Variants in PLCH1 observed in about 807,000 individuals in gnomAD.
PLCH1 encodes the protein 1-phosphatidylinositol 4,5-bisphosphate phosphodiesterase eta-1.
Under a neutral mutation model 126.7 loss-of-function variants are expected in PLCH1, and 60 were observed. The observed-to-expected ratio is 0.47, with a 90% CI of 0.38 to 0.59. The LOEUF (loss-of-function observed/expected upper bound fraction) is 0.59, where lower values mean the gene tolerates loss of function less well. PLCH1 is among the 20% of genes least tolerant of loss of function. The pLI is 0.00. For missense variants in PLCH1, 1,723 were observed against 2,040.0 expected (o/e 0.84, Z 2.99); for synonymous variants, 719 against 734.9 (o/e 0.98, Z 0.35).
intron 2 of PLCH1, among the ~76,000 whole-genome samples, chr3:155,653,182 GATATAGAT>G (rs1740941640): frequency 1.6e-5 from 2 of 123,388 alleles, no homozygotes; most frequent in Non-Finnish European, 1.7e-5. Context: ...TATAGATATA[GATATAGAT>G]ATATAGATAT....
At chr3:155,452,318 A>G (rs896549888) in intron 21 of PLCH1, among the ~76,000 whole-genome samples, 2 of 152,142 alleles carry the variant, frequency 1.3e-5, no homozygotes, top group Admixed American at 6.5e-5. Context: ...CCATGCTTCA[A>G]ATTATCTCCC....
intron 12 of PLCH1, among the ~76,000 whole-genome samples, chr3:155,505,986 G>A (rs1718614710): frequency 6.6e-6 from 1 of 151,494 alleles, no homozygotes; most frequent in South Asian, 2.1e-4. Flanking sequence ...ATCCAAAACA[G>A]GACCTTTTAA....
At chr3:155,525,682 G>C (rs1229760540) in intron 10 of PLCH1, among the ~76,000 whole-genome samples, 2 of 152,080 alleles carry the variant, frequency 1.3e-5, no homozygotes, top group African/African-American at 2.4e-5. Flanking sequence ...TGCCCAGCTT[G>C]AGCACCTCCC....
intron 1 of PLCH1, among the ~76,000 whole-genome samples, chr3:155,739,465 C>G (rs748935444): frequency 3.7e-4 from 57 of 152,042 alleles, no homozygotes; most frequent in Non-Finnish European, 7.2e-4. Context: ...AAAAACATAG[C>G]CCACATCGTT....
intron 14 of PLCH1, among the ~76,000 whole-genome samples, chr3:155,498,590 A>T (rs1041474513): frequency 1.6e-4 from 25 of 152,362 alleles, no homozygotes; most frequent in Middle Eastern, 6.8e-3. Flanking sequence ...AAAATGGAAC[A>T]GAAACACTGC....
chr3:155,541,706 G>C (rs1008361438), intron 10 of PLCH1, among the ~76,000 whole-genome samples: 2 of 152,006 alleles, frequency 1.3e-5, no homozygotes. Context: ...GTTTTAAATA[G>C]AGCAAGAATT....
At chr3:155,738,720 G>A (rs914232900) in intron 1 of PLCH1, among the ~76,000 whole-genome samples, 1 of 151,408 alleles carries the variant, frequency 6.6e-6, no homozygotes, top group African/African-American at 2.4e-5. Flanking sequence ...CCGGGAGGCG[G>A]AGGTTGCAGT....
intron 10 of PLCH1, among the ~76,000 whole-genome samples, chr3:155,539,956 T>G (rs536175179): frequency 2.1e-4 from 32 of 152,016 alleles, no homozygotes; most frequent in African/African-American, 7.2e-4. Flanking sequence ...AAAGAACAAA[T>G]TTGGACGCAT....
intron 1 of PLCH1, among the ~76,000 whole-genome samples, chr3:155,744,007 G>GTT (rs370626394): frequency 1.5e-4 from 22 of 147,988 alleles, no homozygotes; most frequent in Middle Eastern, 6.9e-3. Flanking sequence ...GAAAAGTTGG[G>GTT]TTTTTTTTTT....
At chr3:155,513,814 A>G (rs1241456898) in intron 12 of PLCH1, among the ~76,000 whole-genome samples, 1 of 152,178 alleles carries the variant, frequency 6.6e-6, no homozygotes, top group Non-Finnish European at 1.5e-5. Context: ...TTAGCAAGCC[A>G]ATATTATCCT....
intron 9 of PLCH1, 60 bp from the exon 10 acceptor site, chr3:155,550,018 G>A: frequency 7.9e-7 from 1 of 1,266,346 alleles, no homozygotes; most frequent in Non-Finnish European, 1.1e-6. Flanking sequence ...AGGGACTTTT[G>A]AAAATGATTC....
At position 155,497,382 on chromosome 3, in the gene PLCH1, C is replaced by G; in HGVS notation, c.1832G>C (p.Arg611Pro). The G allele has an allele frequency of 6.2e-7, 1 of 1,613,900 alleles. No individual in the cohort carries two copies. The highest frequency in any genetic ancestry group is 8.5e-7 in the Non-Finnish European group (1 of 1,179,826). The change falls in exon 15 of 23, where the codon CGA (arginine) becomes CCA (proline). Residue 611 changes from arginine (R) to proline (P), a missense_variant. This residue lies in a region of PLCH1 where 776 missense variants were observed against 1,062.9 expected (regional missense o/e 0.73). Coordinates refer to ENST00000460012, the MANE Select transcript of PLCH1 (RefSeq NM_014996.4). Reference protein sequence around the residue: ...GRRRKTMKLCRELSDLVVYTN... With the variant: ...GRRRKTMKLCPELSDLVVYTN... ...GTACACAACCAAATCAGAGAGTTCT[C>G]GGCAGAGCTTCATGGTTTTCCTTCG...
intron 2 of PLCH1, among the ~76,000 whole-genome samples, chr3:155,648,368 A>G (rs1740296046): frequency 6.6e-6 from 1 of 152,196 alleles, no homozygotes; most frequent in South Asian, 2.1e-4. Context: ...TAAAAGGGCA[A>G]CTTTACGGAC....
chr3:155,535,751 C>T (rs1391564687), intron 10 of PLCH1, among the ~76,000 whole-genome samples: 1 of 152,302 alleles, frequency 6.6e-6, no homozygotes, highest in East Asian at 1.9e-4. Context: ...TGGCCCTGCC[C>T]ATTGGCTGAG....
intron 2 of PLCH1, among the ~76,000 whole-genome samples, chr3:155,640,576 G>A (rs1739284657): frequency 6.6e-6 from 1 of 152,130 alleles, no homozygotes; most frequent in Non-Finnish European, 1.5e-5. Context: ...TATTGTCCCA[G>A]GGAAGTATCT....
At chr3:155,712,163 A>G (rs1207888342) in intron 1 of PLCH1, among the ~76,000 whole-genome samples, 2 of 152,214 alleles carry the variant, frequency 1.3e-5, no homozygotes, top group Non-Finnish European at 2.9e-5. Flanking sequence ...TCTGGCCATC[A>G]TGAGCTCTCT....
chr3:155,542,312 A>G (rs899285212), intron 10 of PLCH1, among the ~76,000 whole-genome samples: 3 of 152,220 alleles, frequency 2.0e-5, no homozygotes, highest in African/African-American at 7.2e-5. Flanking sequence ...TCAAACTGCA[A>G]GGCAGCAGCG....
chr3:155,656,658 G>C (rs1741413284), intron 2 of PLCH1, among the ~76,000 whole-genome samples: 1 of 152,158 alleles, frequency 6.6e-6, no homozygotes, highest in East Asian at 1.9e-4. Flanking sequence ...GTGAGTATGT[G>C]TGTGCCTGTG....
intron 2 of PLCH1, among the ~76,000 whole-genome samples, chr3:155,647,259 T>C (rs941598320): frequency 1.3e-5 from 2 of 152,190 alleles, no homozygotes; most frequent in South Asian, 2.1e-4. Flanking sequence ...GGAAAGTGAA[T>C]GTGGTCTTCT....
Sources: gnomAD v4.1 joint callset for allele counts (sites outside exome capture counted in the v4.1 genomes callset) on GRCh38, gnomAD v4.1.1 for gene constraint, gnomAD v4.1.1 regional missense constraint, MANE v1.5 for transcripts, NCBI Gene and HGNC (gene_info 2026-07-23, HGNC 2026-07-21) for gene names.